CNTN4: variants seen among roughly 807,000 people sequenced by gnomAD.
CNTN4 encodes contactin-4.
A neutral mutation model predicts 122.5 loss-of-function variants in CNTN4; 77 were observed. The observed-to-expected ratio is 0.63, with a 90% CI of 0.52 to 0.76. The LOEUF is 0.76. CNTN4 is among the 30% of genes least tolerant of loss of function. CNTN4 has a pLI of 0.00. For missense variants in CNTN4, 1,256 were observed against 1,259.1 expected, an observed-to-expected ratio of 1.00 and a Z score of 0.04; for synonymous variants, 512 against 447.0, an observed-to-expected ratio of 1.15 and a Z score of -1.83.
chr3:2,541,519 T>C (rs2078030977), intron 3 of CNTN4, among the ~76,000 whole-genome samples: 1 of 152,040 alleles, frequency 6.6e-6, no homozygotes, highest in African/African-American at 2.4e-5. Context: ...CTCCCTAAAG[T>C]GGGTACAATA....
At chr3:2,300,290 G>T (rs550652473) in intron 2 of CNTN4, among the ~76,000 whole-genome samples, 9 of 152,034 alleles carry the variant, frequency 5.9e-5, no homozygotes, top group Non-Finnish European at 1.2e-4. Flanking sequence ...ATTTCAACTG[G>T]CAATTTAATA....
chr3:2,893,037 C>T (rs146721443), intron 10 of CNTN4, among the ~76,000 whole-genome samples: 4 of 152,262 alleles, frequency 2.6e-5, no homozygotes, highest in East Asian at 1.9e-4. Flanking sequence ...CTCTTTCTTG[C>T]GTTTTCCATT....
rs935591952 is a variant in CNTN4 at position 2,746,152 on chromosome 3, G to A, written c.358+455G>A. Reference sequence around the variant, plus strand: ...GTATAAGCGAGCAATTGAGCTGCCAGTAATTTAGTAGAGTCAATAAGAGAA... The same window carrying A: ...GTATAAGCGAGCAATTGAGCTGCCAATAATTTAGTAGAGTCAATAAGAGAA... On this transcript the variant is annotated intron_variant, in intron 6 of 24. Coordinates refer to ENST00000418658, the MANE Select transcript of CNTN4 (RefSeq NM_175607.3). 4.2e-4 allele frequency among the ~76,000 whole-genome samples: 9 copies of A among 21,652 alleles called. No individual in the cohort carries two copies. In the Middle Eastern group the frequency reaches 0.091, roughly 219 times the overall value. The allele number at this position is 21,652 out of a possible 152,430, so 14.2% of individuals were successfully genotyped here.
At chr3:2,511,719 CCT>C (rs1484230542) in intron 3 of CNTN4, 1 of 152,188 alleles carries the variant, frequency 6.6e-6, no homozygotes, top group African/African-American at 2.4e-5. Context: ...GTTTTACCCC[CCT>C]CTTTCTCCCT....
intron 2 of CNTN4, among the ~76,000 whole-genome samples, chr3:2,338,285 A>T (rs553468131): frequency 2.6e-5 from 4 of 152,108 alleles, no homozygotes; most frequent in Admixed American, 2.0e-4. Flanking sequence ...TTATTTTGCA[A>T]TTCAGCCAGA....
chr3:2,872,208 C>G (rs1298553649), intron 8 of CNTN4, among the ~76,000 whole-genome samples: 1 of 152,090 alleles, frequency 6.6e-6, no homozygotes, highest in Non-Finnish European at 1.5e-5. Context: ...GAAATAGTAG[C>G]CTTCGATGAT....
At chr3:2,276,744 C>T (rs1160728481) in intron 2 of CNTN4, among the ~76,000 whole-genome samples, 4 of 151,986 alleles carry the variant, frequency 2.6e-5, no homozygotes, top group East Asian at 1.9e-4. Context: ...GGTGAAACCC[C>T]GTCTCTACTA....
At chr3:2,747,767 A>G (rs2089873290) in intron 6 of CNTN4, among the ~76,000 whole-genome samples, 1 of 152,214 alleles carries the variant, frequency 6.6e-6, no homozygotes, top group Non-Finnish European at 1.5e-5. Flanking sequence ...TTGGCTGATC[A>G]TCATTTGGTT....
intron 3 of CNTN4, among the ~76,000 whole-genome samples, chr3:2,569,530 AAATGT>A (rs1177226156): frequency 6.6e-6 from 1 of 152,286 alleles, no homozygotes; most frequent in East Asian, 1.9e-4. Flanking sequence ...AAAATAATAT[AAATGT>A]AATATATTTT....
At chr3:2,915,362 G>T (rs1474610929) in intron 12 of CNTN4, among the ~76,000 whole-genome samples, 1 of 152,190 alleles carries the variant, frequency 6.6e-6, no homozygotes, top group Non-Finnish European at 1.5e-5. Flanking sequence ...CACTGTGCCT[G>T]CCCTAATTCA....
At chr3:2,714,226 T>C (rs886283314) in intron 4 of CNTN4, among the ~76,000 whole-genome samples, 13 of 152,266 alleles carry the variant, frequency 8.5e-5, no homozygotes, top group African/African-American at 3.1e-4. Flanking sequence ...TTAATAAATA[T>C]TATTCAGTAC....
chr3:2,917,172 G>C (rs558981350), intron 12 of CNTN4, among the ~76,000 whole-genome samples: 8 of 149,976 alleles, frequency 5.3e-5, no homozygotes, highest in South Asian at 2.1e-4. Context: ...GTGGCGGCGC[G>C]CGCCTGCAAT....
intron 2 of CNTN4, among the ~76,000 whole-genome samples, chr3:2,233,098 A>G (rs917087786): frequency 1.9e-5 from 2 of 105,934 alleles, no homozygotes; most frequent in Non-Finnish European, 1.9e-5. Context: ...TGTGGCTGCT[A>G]TGATTATATT....
intron 2 of CNTN4, among the ~76,000 whole-genome samples, chr3:2,211,895 A>G (rs951446863): frequency 6.6e-6 from 1 of 152,176 alleles, no homozygotes; most frequent in African/African-American, 2.4e-5. Flanking sequence ...AATTTTCCCT[A>G]CATTAATTTC....
chr3:2,934,200 T>G (rs780212229), intron 13 of CNTN4, among the ~76,000 whole-genome samples: 43 of 152,240 alleles, frequency 2.8e-4, no homozygotes, highest in Non-Finnish European at 5.4e-4. Flanking sequence ...ACATCCATAT[T>G]CTTAGGCATG....
chr3:2,217,298 TCTGA>T (rs2038885135), intron 2 of CNTN4, among the ~76,000 whole-genome samples: 1 of 152,180 alleles, frequency 6.6e-6, no homozygotes, highest in Admixed American at 6.5e-5. Flanking sequence ...CAGTGTGTTT[TCTGA>T]CTGGGCTCCC....
chr3:2,215,085 C>T (rs1232587372), intron 2 of CNTN4, among the ~76,000 whole-genome samples: 1 of 152,120 alleles, frequency 6.6e-6, no homozygotes, highest in East Asian at 1.9e-4. Flanking sequence ...CAAACATATC[C>T]TTTCTCACCT....
At chr3:2,711,370 G>A (rs532503383) in intron 4 of CNTN4, among the ~76,000 whole-genome samples, 41 of 152,256 alleles carry the variant, frequency 2.7e-4, no homozygotes, top group African/African-American at 9.9e-4. Context: ...TTTTTTAAGA[G>A]CCGCTATGAA....
chr3:2,477,742 T>C (rs1285365232), intron 3 of CNTN4, among the ~76,000 whole-genome samples: 1 of 152,210 alleles, frequency 6.6e-6, no homozygotes, highest in Non-Finnish European at 1.5e-5. Context: ...CCAAGATTGG[T>C]TTATTTTCGC....
Sources: gnomAD v4.1 joint callset for allele counts (sites outside exome capture counted in the v4.1 genomes callset) on GRCh38, gnomAD v4.1.1 for gene constraint, MANE v1.5 for transcripts, NCBI Gene and HGNC (gene_info 2026-07-23, HGNC 2026-07-21) for gene names.